RBPJ: variants seen among roughly 807,000 people sequenced by gnomAD.
The protein encoded by RBPJ is recombining binding protein suppressor of hairless.
RBPJ carries 9 observed loss-of-function variants against 67.8 expected under a neutral mutation model. That is an observed-to-expected ratio of 0.13 (90% CI 0.08 to 0.23). The LOEUF is 0.23. Among genes scored for constraint, RBPJ ranks in the 10% least tolerant of loss-of-function variants. The probability of loss-of-function intolerance (pLI) is 1.00; values close to 1 mark genes in which losing one functional copy is unlikely to be tolerated. For synonymous variants in RBPJ, 198 were observed against 203.3 expected (o/e 0.97, Z 0.22); for missense variants, 305 against 595.6 (o/e 0.51, Z 5.08).
intron 1 of RBPJ, among the ~76,000 whole-genome samples, chr4:26,226,937 G>A (rs1719096015): frequency 6.6e-6 from 1 of 152,184 alleles, no homozygotes; most frequent in African/African-American, 2.4e-5. Flanking sequence ...ACACAGAACT[G>A]CAAAGACACA....
chr4:26,390,956 C>T (rs1381640056), intron 2 of RBPJ, among the ~76,000 whole-genome samples: 1 of 152,154 alleles, frequency 6.6e-6, no homozygotes, highest in Admixed American at 6.5e-5. Context: ...CATTGGGAAG[C>T]TGAGGCAGGA....
intron 1 of RBPJ, among the ~76,000 whole-genome samples, chr4:26,256,178 T>C (rs1720338180): frequency 6.6e-6 from 1 of 152,108 alleles, no homozygotes; most frequent in Non-Finnish European, 1.5e-5. Flanking sequence ...TGTTATAGTG[T>C]TTATTTTCCC....
chr4:26,285,935 C>G (rs1489988817), intron 1 of RBPJ, among the ~76,000 whole-genome samples: 1 of 133,600 alleles, frequency 7.5e-6, no homozygotes, highest in Non-Finnish European at 1.7e-5. Context: ...CATAGGGAGA[C>G]CCCATCGCTA....
intron 1 of RBPJ, among the ~76,000 whole-genome samples, chr4:26,360,687 A>G (rs958741991): frequency 8.8e-5 from 13 of 147,828 alleles, no homozygotes; most frequent in Non-Finnish European, 1.9e-4. Flanking sequence ...TCTGCTTCCC[A>G]GGTCCTGCCT....
chr4:26,419,431 A>T (rs553848765), intron 4 of RBPJ, among the ~76,000 whole-genome samples: 1 of 152,342 alleles, frequency 6.6e-6, no homozygotes, highest in Non-Finnish European at 1.5e-5. Context: ...TAGCTTTGCT[A>T]TGAGAAATAC....
chr4:26,389,909 T>C lies in RBPJ; in HGVS notation c.59+3518T>C, dbSNP rs183373893. 2.4e-4 allele frequency among the ~76,000 whole-genome samples: 36 copies of C among 152,216 alleles called. No homozygotes were observed. In the East Asian group the frequency reaches 7.0e-3, roughly 29 times the overall value. On this transcript the variant is annotated intron_variant, in intron 2 of 10. Transcript: ENST00000355476. ...ATTCCATACATACTCTTTCAGAAAA[T>C]TGGAGAGCAGGACATACTTCTCAGT...
At chr4:26,209,098 A>AATATATAT (rs1553848908) in intron 1 of RBPJ, among the ~76,000 whole-genome samples, 129 of 146,996 alleles carry the variant, frequency 8.8e-4, no homozygotes, top group African/African-American at 3.0e-3. Flanking sequence ...GAAGAAAAAA[A>AATATATAT]ATATATATAT....
chr4:26,358,384 C>G (rs1727633413), intron 1 of RBPJ, among the ~76,000 whole-genome samples: 1 of 152,046 alleles, frequency 6.6e-6, no homozygotes, highest in South Asian at 2.1e-4. Flanking sequence ...ATTACGTGCA[C>G]TTTGAAGTGT....
chr4:26,152,330 C>A, the RBPJ span, among the ~76,000 whole-genome samples: 1 of 152,146 alleles, frequency 6.6e-6, no homozygotes, highest in Non-Finnish European at 1.5e-5. Flanking sequence ...TCCAGGTACG[C>A]CCTGAACACT....
chr4:26,114,478 C>CATATATATATAT, the RBPJ span, among the ~76,000 whole-genome samples: 354 of 123,166 alleles, frequency 2.9e-3, 12 homozygotes, highest in Non-Finnish European at 4.3e-3. Context: ...AAAGAATGTA[C>CATATATATATAT]ATATATATAT....
the RBPJ span, among the ~76,000 whole-genome samples, chr4:26,124,405 A>T: frequency 8.8e-6 from 1 of 113,742 alleles, no homozygotes. Context: ...ATGGCTGAGT[A>T]GTATTCCATC....
chr4:26,412,006 T>C (rs2109769942), intron 3 of RBPJ, among the ~76,000 whole-genome samples: 1 of 149,294 alleles, frequency 6.7e-6, no homozygotes, highest in Non-Finnish European at 1.5e-5. Flanking sequence ...TCCCAGCTAC[T>C]CGGGAGGCTG....
intron 1 of RBPJ, among the ~76,000 whole-genome samples, chr4:26,338,879 G>T (rs1188675868): frequency 1.3e-5 from 2 of 151,256 alleles, no homozygotes; most frequent in Non-Finnish European, 2.9e-5. Context: ...TTGGGTGTGT[G>T]TGTGTGTGTT....
At chr4:26,153,376 CCTGCATCAG>C in the RBPJ span, among the ~76,000 whole-genome samples, 1 of 152,172 alleles carries the variant, frequency 6.6e-6, no homozygotes, top group Non-Finnish European at 1.5e-5. Flanking sequence ...GCCCAGAATA[CCTGCATCAG>C]CTGTGAAACA....
chr4:26,290,605 A>G (rs1721635680), intron 1 of RBPJ, among the ~76,000 whole-genome samples: 1 of 150,896 alleles, frequency 6.6e-6, no homozygotes, highest in Non-Finnish European at 1.5e-5. Flanking sequence ...TGGAATAGAT[A>G]ACTTTAGGCT....
chr4:26,323,947 T>G (rs1001806041), intron 1 of RBPJ, among the ~76,000 whole-genome samples: 2 of 152,236 alleles, frequency 1.3e-5, no homozygotes, highest in African/African-American at 4.8e-5. Flanking sequence ...ATACTAAATT[T>G]CATGTTATCT....
upstream of RBPJ, among the ~76,000 whole-genome samples, chr4:26,159,187 T>C (rs1253207650): frequency 6.6e-6 from 1 of 152,156 alleles, no homozygotes; most frequent in Admixed American, 6.5e-5. Flanking sequence ...TGCTAGACAC[T>C]TTCATGTATA....
chr4:26,412,114 C>CA lies in RBPJ; in HGVS notation c.156-3344dup, dbSNP rs146632582. Reference sequence around the variant, plus strand: ...TGGGTGACAGAGCAAGACTCCGTCTCAAAAAAAAAAAAAAAAAGTACCATT... The same window carrying CA: ...TGGGTGACAGAGCAAGACTCCGTCTCAAAAAAAAAAAAAAAAAAGTACCATT... On this transcript the variant is annotated intron_variant, in intron 3 of 10. Transcript: ENST00000355476. Among the ~76,000 whole-genome samples the CA allele has an allele frequency of 5.1e-3, 570 of 112,368 alleles. 7 individuals are homozygous for CA. The highest frequency in any genetic ancestry group is 0.016 in the African/African-American group (448 of 28,666). 73.7% of individuals were successfully genotyped at this position (112,368 alleles called of 152,430 possible). A position where few individuals can be genotyped will look rare whatever the true frequency, so the allele number is the denominator to read the frequency against.
intron 1 of RBPJ, among the ~76,000 whole-genome samples, chr4:26,267,949 TA>T (rs966958309): frequency 2.0e-5 from 3 of 150,804 alleles, no homozygotes; most frequent in African/African-American, 4.9e-5. Context: ...GCCGAAGTCA[TA>T]AAAAAAAAGA....
Sources: allele counts gnomAD v4.1 joint callset (sites outside exome capture counted in the v4.1 genomes callset), GRCh38; gene constraint gnomAD v4.1.1; transcripts MANE v1.5; gene names NCBI Gene and HGNC (gene_info 2026-07-23, HGNC 2026-07-21).